The following FAM193A variants were observed in gnomAD, a reference collection of about 807,000 sequenced individuals.
The protein encoded by FAM193A is protein FAM193A.
In FAM193A, 22 loss-of-function variants were observed where a neutral mutation model predicts 126.5. The observed-to-expected ratio is 0.17, with a 90% CI of 0.12 to 0.25. FAM193A has a LOEUF of 0.25. Ranked by LOEUF, FAM193A falls within the 10% of genes least tolerant of loss-of-function variation. The pLI, the probability that FAM193A is intolerant of heterozygous loss-of-function variation, is 1.00. For synonymous variants in FAM193A, 761 were observed against 646.8 expected, an observed-to-expected ratio of 1.18 and a Z score of -2.68; for missense variants, 1,675 against 1,672.8, an observed-to-expected ratio of 1.00 and a Z score of -0.02.
intron 1 of FAM193A, among the ~76,000 whole-genome samples, chr4:2,564,201 C>T (rs970180865): frequency 6.6e-6 from 1 of 152,090 alleles, no homozygotes; most frequent in African/African-American, 2.4e-5. Flanking sequence ...TTCATCTCAG[C>T]CTCCTGAGTA....
intron 2 of FAM193A, chr4:2,608,012 A>C: frequency 6.3e-7 from 1 of 1,599,904 alleles, no homozygotes; most frequent in Non-Finnish European, 8.5e-7. Flanking sequence ...CTGGGGTGTG[A>C]ATGTGCACCA....
intron 3 of FAM193A, among the ~76,000 whole-genome samples, chr4:2,626,105 A>G (rs566227524): frequency 1.3e-5 from 2 of 152,256 alleles, no homozygotes; most frequent in East Asian, 1.9e-4. Context: ...GGTGGGGGCA[A>G]AGCTGCCCAT....
intron 1 of FAM193A, among the ~76,000 whole-genome samples, chr4:2,586,126 C>T (rs1395721985): frequency 1.3e-5 from 2 of 151,712 alleles, no homozygotes; most frequent in African/African-American, 4.8e-5. Context: ...GCCAGTAATC[C>T]TAGCTACTGG....
chr4:2,609,643 G>A (rs1333291803), intron 2 of FAM193A, among the ~76,000 whole-genome samples: 4 of 152,172 alleles, frequency 2.6e-5, no homozygotes, highest in East Asian at 1.9e-4. Flanking sequence ...GTAGGCCACC[G>A]TGCACGGCGG....
At chr4:2,715,826 T>C (rs572129734) in intron 19 of FAM193A, among the ~76,000 whole-genome samples, 197 bp from the exon 20 acceptor site, 1 of 152,348 alleles carries the variant, frequency 6.6e-6, no homozygotes, top group African/African-American at 2.4e-5. Context: ...AGTGGACATG[T>C]GAGTTCTGCA....
At chr4:2,673,867 C>T (rs937783367) in intron 13 of FAM193A, among the ~76,000 whole-genome samples, 4 of 152,070 alleles carry the variant, frequency 2.6e-5, no homozygotes, top group South Asian at 2.1e-4. Flanking sequence ...GATTATTTTC[C>T]CGGGCTTTTG....
At chr4:2,665,796 G>T (rs549725518) in intron 12 of FAM193A, among the ~76,000 whole-genome samples, 1 of 152,142 alleles carries the variant, frequency 6.6e-6, no homozygotes, top group Admixed American at 6.6e-5. Context: ...CAAAGTTTTA[G>T]GAGTATAGGT....
rs1416669596 is a variant in FAM193A at position 2,596,079 on chromosome 4, TCCAGACTCC to T, written c.256-4_260del. On this transcript the variant is annotated splice_acceptor_variant and splice_polypyrimidine_tract_variant and coding_sequence_variant and intron_variant, in exon 2 of 21. Coordinates refer to ENST00000637812, the MANE Select transcript of FAM193A (RefSeq NM_001366318.2). LOFTEE classifies it high-confidence loss of function. ...TGAAAATAGAATTTTTTTTTTCTAT[TCCAGACTCC>T]TTTTAGTTTTGGCATGAATCATAGG... 5.8e-6 allele frequency: 4 copies of T among 695,030 alleles called. No individual in the cohort carries two copies. The highest frequency in any genetic ancestry group is 2.0e-5 in the Admixed American group (1 of 48,984). 43.1% of individuals were successfully genotyped at this position (695,030 alleles called of 1,614,324 possible).
In FAM193A at chr4:2,625,355, T is replaced by A. The variant is rs1742846305; in HGVS notation, c.595T>A (p.Ser199Thr). Residue 199 changes from serine (S) to threonine (T), a missense_variant, in exon 3 of 21, where the codon TCA (serine) becomes ACA (threonine). Around this residue, in one of 4 missense-constraint regions of FAM193A, gnomAD observed 1,186 missense variants for 1,109.2 expected, o/e 1.07. Transcript: ENST00000637812. ...RLALGAQTLPSDTACSCEACS... is the reference protein window; with the variant it reads ...RLALGAQTLPTDTACSCEACS... ...CGCTCTGGGTGCACAGACGCTGCCT[T>A]CAGACACCGCATGCTCGTGCGAGGC... 1 of 702,810 alleles carries A rather than the reference T, an allele frequency of 1.4e-6. No individual in the cohort carries two copies. The highest frequency in any genetic ancestry group is 1.7e-5 in the African/African-American group (1 of 57,272). 43.5% of individuals were successfully genotyped at this position (702,810 alleles called of 1,614,324 possible).
chr4:2,541,130 T>G (rs1422954158), intron 1 of FAM193A, among the ~76,000 whole-genome samples: 1 of 150,994 alleles, frequency 6.6e-6, no homozygotes, highest in Non-Finnish European at 1.5e-5. Flanking sequence ...ATTAACTGGG[T>G]GTGGTGGCGC....
chr4:2,659,734 C>A, intron 9 of FAM193A, 64 bp downstream of exon 9: 1 of 1,611,606 alleles, frequency 6.2e-7, no homozygotes, highest in Admixed American at 1.7e-5. Context: ...TGAGTGGAGG[C>A]CTAGAACCGA....
chr4:2,683,043 TTTTG>T (rs1715331669), intron 13 of FAM193A, among the ~76,000 whole-genome samples: 1 of 152,206 alleles, frequency 6.6e-6, no homozygotes, highest in South Asian at 2.1e-4. Flanking sequence ...CTCCCTCAGT[TTTTG>T]TTTGTCTGAG....
chr4:2,684,452 C>T (rs1237745415), intron 13 of FAM193A, among the ~76,000 whole-genome samples: 3 of 150,584 alleles, frequency 2.0e-5, no homozygotes, highest in Non-Finnish European at 4.4e-5. Context: ...TTAAGCATTT[C>T]ACACATAGTT....
intron 1 of FAM193A, among the ~76,000 whole-genome samples, chr4:2,573,129 C>T (rs1032107747): frequency 2.6e-5 from 4 of 151,940 alleles, no homozygotes; most frequent in Non-Finnish European, 4.4e-5. Flanking sequence ...TTTTTTCCCG[C>T]CTCACTCTTA....
chr4:2,707,576 A>G lies in FAM193A; in HGVS notation c.4372+7032A>G, dbSNP rs1207297421. ...TTTTTAATATTGGTTACATGTTTAA[A>G]TCATAATATTTTGGATATATTAAAT... On this transcript the variant is annotated intron_variant, in intron 19 of 20. Coordinates refer to ENST00000637812, the MANE Select transcript of FAM193A (RefSeq NM_001366318.2). Among the ~76,000 whole-genome samples, 3 of 152,244 alleles carry G rather than the reference A, an allele frequency of 2.0e-5. No homozygotes were observed. The East Asian group carries it at 5.8e-4, about 29-fold the overall frequency.
intron 2 of FAM193A, among the ~76,000 whole-genome samples, chr4:2,605,208 C>T (rs140329153): frequency 7.2e-5 from 11 of 152,100 alleles, no homozygotes; most frequent in African/African-American, 2.4e-4. Flanking sequence ...AAAAATCAAG[C>T]GTTGCTGTTA....
At chr4:2,725,450 CAAAA>C (rs71644355) in intron 20 of FAM193A, among the ~76,000 whole-genome samples, 3 of 31,780 alleles carry the variant, frequency 9.4e-5, no homozygotes, top group Admixed American at 3.8e-4. Flanking sequence ...ACCCTGTCTC[CAAAA>C]AAAAAAAAAA....
chr4:2,561,343 G>A (rs187585378), intron 1 of FAM193A, among the ~76,000 whole-genome samples: 28 of 151,786 alleles, frequency 1.8e-4, no homozygotes, highest in Non-Finnish European at 2.6e-4. Flanking sequence ...AACCATGCCC[G>A]GCTAATTTTT....
chr4:2,666,832 T>C (rs1324606389), intron 12 of FAM193A, among the ~76,000 whole-genome samples: 1 of 152,232 alleles, frequency 6.6e-6, no homozygotes, highest in Non-Finnish European at 1.5e-5. Context: ...AATTCTGCAG[T>C]GCCTGCAGTG....
Sources: gnomAD v4.1 joint callset for allele counts (sites outside exome capture counted in the v4.1 genomes callset) on GRCh38, gnomAD v4.1.1 for gene constraint, gnomAD v4.1.1 regional missense constraint, MANE v1.5 for transcripts, NCBI Gene and HGNC (gene_info 2026-07-23, HGNC 2026-07-21) for gene names.